The following CPNE4 variants were observed in gnomAD, a reference collection of about 807,000 sequenced individuals.
CPNE4 encodes the protein copine 4.
In CPNE4, 25 loss-of-function variants were observed where a neutral mutation model predicts 67.9. The ratio of observed to expected loss-of-function variants is 0.37; its 90% CI spans 0.27 to 0.51. The LOEUF is 0.51. Ranked by LOEUF, CPNE4 falls within the 20% of genes least tolerant of loss-of-function variation. The pLI is 0.93. For synonymous variants in CPNE4, 242 were observed against 244.9 expected, an observed-to-expected ratio of 0.99 and a Z score of 0.11; for missense variants, 464 against 690.8, an observed-to-expected ratio of 0.67 and a Z score of 3.68.
At position 131,734,925 on chromosome 3, in the gene CPNE4, T is replaced by A. The variant is rs556150896; in HGVS notation, c.181-11300A>T. 1.9e-3 allele frequency among the ~76,000 whole-genome samples: 289 copies of A among 152,128 alleles called. 1 individual carries two copies. Among genetic ancestry groups the A allele is most frequent in the Non-Finnish European group, 3.1e-3 (212 of 67,994 alleles). ...CCCCCAAAAAAAGACACTCTCAAATTTCTGTAACTACTCTGGCAGTTGAGG... is the reference window on the plus strand; with the variant it reads ...CCCCCAAAAAAAGACACTCTCAAATATCTGTAACTACTCTGGCAGTTGAGG... On this transcript the variant is annotated intron_variant, in intron 2 of 15. Coordinates refer to ENST00000429747, the MANE Select transcript of CPNE4 (RefSeq NM_130808.3).
At chr3:131,789,049 G>C (rs2083643168) in intron 2 of CPNE4, among the ~76,000 whole-genome samples, 1 of 151,260 alleles carries the variant, frequency 6.6e-6, no homozygotes, top group African/African-American at 2.4e-5. Context: ...GAGAGAGAGA[G>C]AGAGAGAGAG....
chr3:131,607,179 T>C (rs758566931), intron 7 of CPNE4, among the ~76,000 whole-genome samples: 1 of 151,630 alleles, frequency 6.6e-6, no homozygotes, highest in South Asian at 2.1e-4. Flanking sequence ...CTTGGTTCTT[T>C]GAGTCAGCCA....
At chr3:132,024,832 C>T (rs930615450) in intron 1 of CPNE4, among the ~76,000 whole-genome samples, 4 of 152,020 alleles carry the variant, frequency 2.6e-5, no homozygotes, top group African/African-American at 9.7e-5. Context: ...GTCATAGGTG[C>T]TCAGTAAATG....
At chr3:131,609,358 G>T (rs2107737982) in intron 7 of CPNE4, among the ~76,000 whole-genome samples, 1 of 152,248 alleles carries the variant, frequency 6.6e-6, no homozygotes, top group Admixed American at 6.5e-5. Context: ...ACATTTCCTA[G>T]CCATTTGACT....
Position 131,939,562 on chromosome 3 carries a change from T to C in CPNE4, c.-1-34118A>G, listed in dbSNP as rs2071329680. 2.6e-5 allele frequency among the ~76,000 whole-genome samples: 4 copies of C among 152,022 alleles called. No individual in the cohort carries two copies. The South Asian group carries it at 6.2e-4, about 24-fold the overall frequency. ...TCTGTTTGCCTAAGATTATCCTGAT[T>C]TCCCCCAGACAGTCCTGGTTTTCAC... On this transcript the variant is annotated intron_variant, in intron 1 of 15. Transcript: ENST00000429747.
At chr3:131,664,851 T>C (rs2080218598) in intron 7 of CPNE4, among the ~76,000 whole-genome samples, 1 of 152,178 alleles carries the variant, frequency 6.6e-6, no homozygotes, top group Non-Finnish European at 1.5e-5. Flanking sequence ...GAATATGGCA[T>C]GTCTAGGATG....
At chr3:131,863,394 C>T (rs112626921) in intron 2 of CPNE4, among the ~76,000 whole-genome samples, 12,042 of 152,124 alleles carry the variant, frequency 0.079, 616 homozygotes, top group East Asian at 0.16. Context: ...TTTTAATGAT[C>T]GCCATTCTAA....
At chr3:131,670,810 T>C (rs1414978296) in intron 6 of CPNE4, among the ~76,000 whole-genome samples, 1 of 28,874 alleles carries the variant, frequency 3.5e-5, no homozygotes. Context: ...AGTCTTGGAA[T>C]TTTTTGTTTT....
intron 2 of CPNE4, among the ~76,000 whole-genome samples, chr3:131,793,468 A>ACAG: frequency 6.6e-6 from 1 of 152,202 alleles, no homozygotes; most frequent in Non-Finnish European, 1.5e-5. Flanking sequence ...AAGATCAACA[A>ACAG]CAGCAGCAGC....
chr3:131,721,471 C>G (rs1583080079), intron 3 of CPNE4, among the ~76,000 whole-genome samples: 1 of 149,780 alleles, frequency 6.7e-6, no homozygotes, highest in East Asian at 2.0e-4. Flanking sequence ...TCTCGGCTCA[C>G]TGCAAGCTCC....
chr3:131,577,427 A>G (rs1937578657), intron 9 of CPNE4, among the ~76,000 whole-genome samples: 1 of 152,266 alleles, frequency 6.6e-6, no homozygotes, highest in Middle Eastern at 3.4e-3. Flanking sequence ...CCTAGGTGGT[A>G]TATCCCACTA....
chr3:131,892,463 A>C (rs921671657), intron 2 of CPNE4, among the ~76,000 whole-genome samples: 1 of 152,142 alleles, frequency 6.6e-6, no homozygotes, highest in Non-Finnish European at 1.5e-5. Flanking sequence ...ATAAAAGAAC[A>C]ATAAGTACTA....
chr3:131,666,522 G>A (rs1234772643), intron 7 of CPNE4, among the ~76,000 whole-genome samples: 1 of 152,116 alleles, frequency 6.6e-6, no homozygotes, highest in African/African-American at 2.4e-5. Context: ...ACGTTACTAA[G>A]TTTATATCAA....
At chr3:131,827,702 G>A (rs1304775604) in intron 2 of CPNE4, among the ~76,000 whole-genome samples, 2 of 151,992 alleles carry the variant, frequency 1.3e-5, no homozygotes, top group Admixed American at 1.3e-4. Context: ...TTGGGTGTTG[G>A]GATGGAAATG....
At chr3:131,592,371 A>T (rs1453701106) in intron 7 of CPNE4, among the ~76,000 whole-genome samples, 1 of 152,238 alleles carries the variant, frequency 6.6e-6, no homozygotes, top group Non-Finnish European at 1.5e-5. Context: ...GAAATAAAGG[A>T]AGTTAAGCAT....
chr3:131,612,641 G>A (rs1252231704), intron 7 of CPNE4, among the ~76,000 whole-genome samples: 3 of 152,008 alleles, frequency 2.0e-5, no homozygotes, highest in African/African-American at 4.8e-5. Context: ...TTCATCCCCC[G>A]ATTACTCCCT....
At chr3:131,674,751 C>CAA (rs1649610159) in intron 6 of CPNE4, among the ~76,000 whole-genome samples, 1 of 151,636 alleles carries the variant, frequency 6.6e-6, no homozygotes, top group Non-Finnish European at 1.5e-5. Context: ...TTTATCTTTT[C>CAA]AAAAAACTAA....
chr3:131,662,396 A>G (rs1174488409), intron 7 of CPNE4, among the ~76,000 whole-genome samples: 1 of 152,240 alleles, frequency 6.6e-6, no homozygotes, highest in Non-Finnish European at 1.5e-5. Context: ...AGGATTTCTT[A>G]TAGGAGGAAG....
chr3:131,892,149 T>C (rs2088142235), intron 2 of CPNE4, among the ~76,000 whole-genome samples: 1 of 152,110 alleles, frequency 6.6e-6, no homozygotes, highest in South Asian at 2.1e-4. Context: ...CAGTCCCCAC[T>C]GCCCCTATAA....
Sources: gnomAD v4.1 joint callset for allele counts (sites outside exome capture counted in the v4.1 genomes callset) on GRCh38, gnomAD v4.1.1 for gene constraint, MANE v1.5 for transcripts, NCBI Gene and HGNC (gene_info 2026-07-23, HGNC 2026-07-21) for gene names.